CAMK4: variants seen among roughly 807,000 people sequenced by gnomAD.
CAMK4 encodes the protein calcium/calmodulin-dependent protein kinase type IV.
Under a neutral mutation model 44.9 loss-of-function variants are expected in CAMK4, and 22 were observed. The ratio of observed to expected loss-of-function variants is 0.49; its 90% CI spans 0.35 to 0.70. The LOEUF (loss-of-function observed/expected upper bound fraction) is 0.70, where lower values mean the gene tolerates loss of function less well. Among genes scored for constraint, CAMK4 ranks in the 30% least tolerant of loss-of-function variants. CAMK4 has a pLI of 0.01. For synonymous variants in CAMK4, 218 were observed against 215.4 expected, an observed-to-expected ratio of 1.01 and a Z score of -0.11; for missense variants, 498 against 586.8, an observed-to-expected ratio of 0.85 and a Z score of 1.56.
chr5:111,377,387 T>C (rs1203222819), intron 4 of CAMK4, among the ~76,000 whole-genome samples: 1 of 152,034 alleles, frequency 6.6e-6, no homozygotes, highest in Non-Finnish European at 1.5e-5. Context: ...TTAAGCTTAT[T>C]TTCTTTAGAA....
chr5:111,227,494 C>G (rs1748252182), intron 1 of CAMK4, among the ~76,000 whole-genome samples: 1 of 152,196 alleles, frequency 6.6e-6, no homozygotes, highest in Non-Finnish European at 1.5e-5. Context: ...GTTGGCTCCT[C>G]CATTACAGTT....
At chr5:111,355,693 C>T (rs1385258483) in intron 2 of CAMK4, among the ~76,000 whole-genome samples, 3 of 142,134 alleles carry the variant, frequency 2.1e-5, no homozygotes, top group African/African-American at 7.6e-5. Context: ...TGATGTTCCC[C>T]TTCCTGTGTC....
chr5:111,340,257 A>G (rs1395472517), intron 1 of CAMK4, among the ~76,000 whole-genome samples: 2 of 151,090 alleles, frequency 1.3e-5, no homozygotes, highest in Non-Finnish European at 3.0e-5. Flanking sequence ...CTACTACTGT[A>G]TTGAATAGAA....
rs1196667647 is a variant in CAMK4 at position 111,346,502 on chromosome 5, C to CTATCTATCTATCTATCTATA, written c.240+2413_240+2414insATCTATATATCTATCTATCT. ...AAACTTTATCTATCTATCTATCTAT[C>CTATCTATCTATCTATCTATA]TATCTATCTATCTCCATCCATCTAT... is the stretch of plus-strand genomic sequence containing the variant. On this transcript the variant is annotated intron_variant, in intron 2 of 10. Transcript: ENST00000282356. 6.0e-4 allele frequency among the ~76,000 whole-genome samples: 91 copies of CTATCTATCTATCTATCTATA among 151,836 alleles called. 1 individual carries two copies. In the East Asian group the frequency reaches 7.2e-3, roughly 12 times the overall value.
chr5:111,405,660 C>T (rs1752397620), intron 5 of CAMK4, among the ~76,000 whole-genome samples: 1 of 152,024 alleles, frequency 6.6e-6, no homozygotes. Flanking sequence ...CTTAAAAAGA[C>T]AGGGAGACTG....
rs1754673215 is a variant in CAMK4, at chr5:111,462,356, G to A, written c.626-10955G>A. Among the ~76,000 whole-genome samples, 3 of 152,076 alleles carry A rather than the reference G, an allele frequency of 2.0e-5. No individual in the cohort carries two copies. The South Asian group carries it at 6.2e-4, about 31-fold the overall frequency. On this transcript the variant is annotated intron_variant, in intron 7 of 10. Coordinates refer to ENST00000282356, the MANE Select transcript of CAMK4 (RefSeq NM_001744.6). Reference sequence around the variant, plus strand: ...TCTTCCTTTGATGTTTTTGATTTATGTCTACATCCCCCACCCAGCTGTAAG... The same window carrying A: ...TCTTCCTTTGATGTTTTTGATTTATATCTACATCCCCCACCCAGCTGTAAG...
intron 4 of CAMK4, among the ~76,000 whole-genome samples, chr5:111,393,422 A>G (rs996456730): frequency 2.0e-5 from 3 of 152,312 alleles, no homozygotes; most frequent in African/African-American, 7.2e-5. Context: ...ATGTGATTCT[A>G]TCCCCTTGAT....
chr5:111,262,093 C>G (rs185549016), intron 1 of CAMK4, among the ~76,000 whole-genome samples: 1 of 151,374 alleles, frequency 6.6e-6, no homozygotes, highest in Non-Finnish European at 1.5e-5. Context: ...GCTGACATAC[C>G]TTCACAGGCA....
chr5:111,427,795 C>T (rs985358890), intron 5 of CAMK4, among the ~76,000 whole-genome samples: 2 of 152,194 alleles, frequency 1.3e-5, no homozygotes, highest in Admixed American at 6.5e-5. Flanking sequence ...CTGGACCCAG[C>T]GGGGGCCTGG....
At chr5:111,395,078 G>A (rs1349745766) in intron 5 of CAMK4, among the ~76,000 whole-genome samples, 6 of 151,638 alleles carry the variant, frequency 4.0e-5, no homozygotes, top group African/African-American at 9.7e-5. Flanking sequence ...GTATGGTGAC[G>A]CACACCTGTA....
At chr5:111,465,372 A>T (rs904417072) in intron 7 of CAMK4, among the ~76,000 whole-genome samples, 1 of 152,022 alleles carries the variant, frequency 6.6e-6, no homozygotes, top group South Asian at 2.1e-4. Context: ...GCTAAATGAA[A>T]TGGAAACAAA....
At chr5:111,352,637 CAGAGAG>C (rs70973603) in intron 2 of CAMK4, among the ~76,000 whole-genome samples, 173 of 109,184 alleles carry the variant, frequency 1.6e-3, no homozygotes, top group African/African-American at 5.6e-3. Context: ...GGCAGAATAG[CAGAGAG>C]AGAGAGAGAG....
chr5:111,336,819 T>C (rs994582855), intron 1 of CAMK4, among the ~76,000 whole-genome samples: 4 of 151,028 alleles, frequency 2.6e-5, no homozygotes, highest in African/African-American at 7.3e-5. Flanking sequence ...CTTTCTCTTA[T>C]ATTTTTTCTT....
rs191776408 is a variant in CAMK4 at position 111,475,308 on chromosome 5, G to C, written c.701+1922G>C. ...TTAGGTACCAGTGTACCAACAATTG[G>C]TAGGTACATTGTTGAAATGTACTGG... On this transcript the variant is annotated intron_variant, in intron 8 of 10. Coordinates refer to ENST00000282356, the MANE Select transcript of CAMK4 (RefSeq NM_001744.6). Among the ~76,000 whole-genome samples the C allele has an allele frequency of 9.9e-5, 15 of 152,244 alleles. No homozygotes were observed. In the East Asian group the frequency reaches 2.7e-3, roughly 27 times the overall value.
intron 7 of CAMK4, among the ~76,000 whole-genome samples, chr5:111,453,644 G>GA (rs1488872892): frequency 5.3e-5 from 8 of 150,330 alleles, no homozygotes; most frequent in Non-Finnish European, 1.0e-4. Flanking sequence ...AGAGCCTCAG[G>GA]AAAAAAAAAG....
At chr5:111,276,621 G>T (rs1750770910) in intron 1 of CAMK4, among the ~76,000 whole-genome samples, 2 of 151,884 alleles carry the variant, frequency 1.3e-5, no homozygotes, top group Non-Finnish European at 2.9e-5. Flanking sequence ...ATACTTTCTT[G>T]TTCACTTAGG....
At chr5:111,368,776 T>TA (rs1302708043) in intron 2 of CAMK4, among the ~76,000 whole-genome samples, 8 of 152,122 alleles carry the variant, frequency 5.3e-5, no homozygotes, top group Non-Finnish European at 1.2e-4. Flanking sequence ...GTTTTAGCCT[T>TA]ACTTTTCTCC....
chr5:111,426,071 A>G (rs1013898598), intron 5 of CAMK4, among the ~76,000 whole-genome samples: 3 of 149,918 alleles, frequency 2.0e-5, no homozygotes, highest in South Asian at 2.2e-4. Context: ...CTGAAAAGCC[A>G]TAACAATTTT....
intron 1 of CAMK4, among the ~76,000 whole-genome samples, chr5:111,257,587 G>A (rs1428489562): frequency 6.6e-6 from 1 of 152,162 alleles, no homozygotes; most frequent in Non-Finnish European, 1.5e-5. Flanking sequence ...AGACAGTGTG[G>A]CAATTCCTCA....
Sources: gnomAD v4.1 joint callset for allele counts (sites outside exome capture counted in the v4.1 genomes callset) on GRCh38, gnomAD v4.1.1 for gene constraint, MANE v1.5 for transcripts, NCBI Gene and HGNC (gene_info 2026-07-23, HGNC 2026-07-21) for gene names.